Variants in PDE1A observed in about 807,000 individuals in gnomAD.
PDE1A encodes the protein phosphodiesterase 1A, also known as dual specificity calcium/calmodulin-dependent 3',5'-cyclic nucleotide phosphodiesterase 1A.
A neutral mutation model predicts 61.7 loss-of-function variants in PDE1A; 35 were observed. That is an observed-to-expected ratio of 0.57 (90% confidence interval 0.43 to 0.75). The LOEUF is 0.75. Among genes scored for constraint, PDE1A ranks in the 30% least tolerant of loss-of-function variants. PDE1A has a pLI of 0.00. For missense variants in PDE1A, 597 were observed against 630.6 expected (o/e 0.95, Z 0.57); for synonymous variants, 232 against 213.2 (o/e 1.09, Z -0.77).
At chr2:182,534,609 A>G in the PDE1A span, among the ~76,000 whole-genome samples, 1 of 151,626 alleles carries the variant, frequency 6.6e-6, no homozygotes, top group South Asian at 2.1e-4. Flanking sequence ...ACCTGCTGCA[A>G]TTTTTAATCT....
At chr2:182,553,807 C>T in the PDE1A span, among the ~76,000 whole-genome samples, 1 of 152,184 alleles carries the variant, frequency 6.6e-6, no homozygotes, top group African/African-American at 2.4e-5. Flanking sequence ...AATGCACACA[C>T]AGAAGTGCAG....
chr2:182,461,953 C>A (rs1227381275), intron 2 of PDE1A, among the ~76,000 whole-genome samples: 2 of 152,226 alleles, frequency 1.3e-5, no homozygotes, highest in East Asian at 3.9e-4. Flanking sequence ...TGTCTTATAG[C>A]TTTGATTGGG....
rs946272248 is a variant in PDE1A at position 182,488,772 on chromosome 2, C to T, written c.101+33504G>A. 2.0e-5 allele frequency among the ~76,000 whole-genome samples: 3 copies of T among 152,250 alleles called. No homozygotes were observed. In the East Asian group the frequency reaches 5.8e-4, roughly 29 times the overall value. On this transcript the variant is annotated intron_variant, in intron 2 of 14. Transcript: ENST00000410103. ...GCCTATAAGTGTGTGATGAAACTTG[C>T]CCTTACAGAAATTATGTAAAACACA...
intron 1 of PDE1A, among the ~76,000 whole-genome samples, chr2:182,404,950 ATAGT>A (rs1196479283): frequency 2.0e-5 from 3 of 152,218 alleles, no homozygotes; most frequent in Non-Finnish European, 4.4e-5. Flanking sequence ...TACCAGTAAC[ATAGT>A]TATTTATTTT....
At chr2:182,250,665 T>TC (rs1386940906) in intron 2 of PDE1A, among the ~76,000 whole-genome samples, 3 of 152,298 alleles carry the variant, frequency 2.0e-5, no homozygotes, top group Non-Finnish European at 2.9e-5. Context: ...ATGACCATTG[T>TC]ACATGAGTGA....
At chr2:182,300,094 C>T (rs1372195390) in intron 1 of PDE1A, among the ~76,000 whole-genome samples, 2 of 152,158 alleles carry the variant, frequency 1.3e-5, no homozygotes, top group Non-Finnish European at 2.9e-5. Flanking sequence ...AGTTATTGTA[C>T]TTTGCAAATC....
chr2:182,323,868 A>G (rs1696867743), intron 1 of PDE1A, among the ~76,000 whole-genome samples: 1 of 152,200 alleles, frequency 6.6e-6, no homozygotes, highest in African/African-American at 2.4e-5. Context: ...CCAGCGTGTC[A>G]GTGTGTTGCC....
At chr2:182,217,758 G>T (rs1446356328) in intron 7 of PDE1A, among the ~76,000 whole-genome samples, 1 of 145,442 alleles carries the variant, frequency 6.9e-6, no homozygotes, top group Non-Finnish European at 1.5e-5. Flanking sequence ...TCATTAAAAA[G>T]TCAGGAAACA....
chr2:182,256,192 G>A (rs10170443), intron 2 of PDE1A, among the ~76,000 whole-genome samples: 6,107 of 138,182 alleles, frequency 0.044, 417 homozygotes, highest in African/African-American at 0.17. Flanking sequence ...CCACTAACTC[G>A]TCATCTAGCA....
At chr2:182,371,237 T>C (rs1343424797) in intron 1 of PDE1A, among the ~76,000 whole-genome samples, 2 of 152,222 alleles carry the variant, frequency 1.3e-5, no homozygotes, top group Non-Finnish European at 2.9e-5. Flanking sequence ...TTCTTCCATA[T>C]TAAATTATTC....
At chr2:182,573,992 A>C in the PDE1A span, among the ~76,000 whole-genome samples, 1 of 140,378 alleles carries the variant, frequency 7.1e-6, no homozygotes, top group South Asian at 2.3e-4. Flanking sequence ...CACACACACA[A>C]ACATATATAT....
chr2:182,527,103 T>TA (rs1193933756), upstream of PDE1A, among the ~76,000 whole-genome samples: 3 of 150,260 alleles, frequency 2.0e-5, no homozygotes, highest in Non-Finnish European at 4.4e-5. Flanking sequence ...TTTTTTTAAT[T>TA]AAAAAAGAAC....
At chr2:182,608,671 A>G in the PDE1A span, among the ~76,000 whole-genome samples, 452 of 152,324 alleles carry the variant, frequency 3.0e-3, 3 homozygotes, top group African/African-American at 0.01. Flanking sequence ...GCAGCGGGCC[A>G]TGCCTGAGCT....
chr2:182,527,209 A>C (rs1177922958), upstream of PDE1A, among the ~76,000 whole-genome samples: 4 of 148,206 alleles, frequency 2.7e-5, no homozygotes, highest in African/African-American at 9.9e-5. Flanking sequence ...AGTCATGCCC[A>C]TAAACCCAGC....
intron 1 of PDE1A, among the ~76,000 whole-genome samples, chr2:182,333,060 G>A (rs1452167971): frequency 6.6e-6 from 1 of 152,106 alleles, no homozygotes; most frequent in African/African-American, 2.4e-5. Context: ...CCCAATACAG[G>A]AGCATCCAAA....
At chr2:182,697,309 G>A in the PDE1A span, among the ~76,000 whole-genome samples, 1,365 of 152,266 alleles carry the variant, frequency 9.0e-3, 14 homozygotes, top group South Asian at 0.054. Flanking sequence ...TTAACTGTGT[G>A]ACCTTACGAA....
intron 2 of PDE1A, among the ~76,000 whole-genome samples, chr2:182,502,425 G>A (rs561358074): frequency 1.3e-5 from 2 of 152,234 alleles, no homozygotes; most frequent in East Asian, 3.9e-4. Context: ...GAATGCCAGA[G>A]AGCCCTCGAT....
the PDE1A span, among the ~76,000 whole-genome samples, chr2:182,621,685 T>G: frequency 1.3e-5 from 2 of 152,216 alleles, no homozygotes; most frequent in African/African-American, 4.8e-5. Flanking sequence ...TTTTTAGAAC[T>G]TGATTTTTGT....
chr2:182,293,691 C>T (rs1189767182), intron 1 of PDE1A, among the ~76,000 whole-genome samples: 2 of 152,094 alleles, frequency 1.3e-5, no homozygotes, highest in African/African-American at 4.8e-5. Context: ...AAATTAGAGA[C>T]ATAAGAGATT....
Sources: allele counts gnomAD v4.1 joint callset (sites outside exome capture counted in the v4.1 genomes callset), GRCh38; gene constraint gnomAD v4.1.1; transcripts MANE v1.5; gene names NCBI Gene and HGNC (gene_info 2026-07-23, HGNC 2026-07-21).